Variants in FER observed in about 807,000 individuals in gnomAD.
FER encodes the protein FER tyrosine kinase.
In FER, 63 loss-of-function variants were observed where a neutral mutation model predicts 111.0. The observed-to-expected ratio is 0.57, with a 90% confidence interval of 0.46 to 0.70. FER has a LOEUF of 0.70. Ranked by LOEUF, FER falls within the 30% of genes least tolerant of loss-of-function variation. FER has a pLI of 0.00. For synonymous variants in FER, 327 were observed against 313.9 expected (o/e 1.04, Z -0.44); for missense variants, 914 against 954.0 (o/e 0.96, Z 0.55).
chr5:108,978,092 C>T (rs184775820), intron 13 of FER, among the ~76,000 whole-genome samples: 44 of 152,268 alleles, frequency 2.9e-4, no homozygotes, highest in East Asian at 5.8e-4. Context: ...AGCGTCTGCC[C>T]GCCTTGGTCT....
chr5:109,029,220 C>CTT (rs558664340), intron 13 of FER, among the ~76,000 whole-genome samples: 35 of 109,970 alleles, frequency 3.2e-4, no homozygotes, highest in African/African-American at 9.9e-4. Context: ...TTTAGGCTTT[C>CTT]TTTTTTTTTT....
chr5:108,953,303 T>G (rs1383263175), intron 11 of FER, among the ~76,000 whole-genome samples: 1 of 151,928 alleles, frequency 6.6e-6, no homozygotes, highest in South Asian at 2.1e-4. Flanking sequence ...CATTAAACCA[T>G]TTTTTGAAAT....
At position 109,003,387 on chromosome 5, in the gene FER, G is replaced by A. The variant is rs1384183582; in HGVS notation, c.1657-34035G>A. Among the ~76,000 whole-genome samples, 4 of 152,110 alleles carry A rather than the reference G, an allele frequency of 2.6e-5. No homozygotes were observed. In the East Asian group the frequency reaches 5.8e-4, roughly 22 times the overall value. The stretch of plus-strand genomic sequence containing the variant: ...AAGGACAAAAAACCAAACACCGCAT[G>A]TTCTCACTCATAGGTGGGAATTGAA... On this transcript the variant is annotated intron_variant, in intron 13 of 19. Coordinates refer to ENST00000281092, the MANE Select transcript of FER (RefSeq NM_005246.4).
At chr5:108,970,722 A>C (rs891484147) in intron 13 of FER, among the ~76,000 whole-genome samples, 2 of 152,186 alleles carry the variant, frequency 1.3e-5, no homozygotes, top group Admixed American at 6.6e-5. Context: ...GGTCTTGAGA[A>C]TAGGCAGAAG....
At position 108,793,071 on chromosome 5, in the gene FER, T is replaced by G. The variant is rs181530848; in HGVS notation, c.-59-5053T>G. 1.6e-4 allele frequency among the ~76,000 whole-genome samples: 25 copies of G among 152,320 alleles called. No homozygotes were observed. In the East Asian group the frequency reaches 4.6e-3, roughly 28 times the overall value. On this transcript the variant is annotated intron_variant, in intron 2 of 19. Transcript: ENST00000281092. ...TGATAATGTACAATTAAATTATTAT[T>G]GACTATAGTCACCCTGTTGTGCTAT...
intron 16 of FER, among the ~76,000 whole-genome samples, chr5:109,079,428 G>A (rs1238359986): frequency 2.0e-5 from 3 of 152,094 alleles, no homozygotes; most frequent in African/African-American, 4.8e-5. Flanking sequence ...CCAGATTGGT[G>A]CTCTGAAGTG....
At chr5:109,155,160 A>G (rs2126709567) in intron 17 of FER, among the ~76,000 whole-genome samples, 1 of 152,042 alleles carries the variant, frequency 6.6e-6, no homozygotes, top group African/African-American at 2.4e-5. Context: ...GAAGCTAGGA[A>G]GTGTATTCCA....
chr5:109,195,947 G>GT lies in FER; in HGVS notation c.*8378dup, dbSNP rs576111419. The GT allele has an allele frequency of 9.8e-4, 149 of 152,384 alleles. 2 individuals are homozygous for GT. Among genetic ancestry groups the GT allele is most frequent in the African/African-American group, 3.2e-3 (133 of 41,546 alleles). 9.4% of individuals were successfully genotyped at this position (152,384 alleles called of 1,614,324 possible). A position where few individuals can be genotyped will look rare whatever the true frequency, so the allele number is the denominator to read the frequency against. Reference sequence around the variant, plus strand: ...GGCTTTATGTTATGGTTTTCTTCGTGTTTTTTCTTGGTTTTGTCTGGCTTC... The same window carrying GT: ...GGCTTTATGTTATGGTTTTCTTCGTGTTTTTTTCTTGGTTTTGTCTGGCTTC... On this transcript the variant is annotated 3_prime_UTR_variant, in exon 20 of 20. Transcript: ENST00000281092.
intron 9 of FER, among the ~76,000 whole-genome samples, chr5:108,890,469 G>A (rs1406926472): frequency 2.0e-5 from 3 of 152,052 alleles, no homozygotes; most frequent in African/African-American, 4.8e-5. Context: ...CTGTCTCCTA[G>A]CTTCTGGTGA....
At chr5:108,769,978 C>T (rs1485561917) in intron 2 of FER, among the ~76,000 whole-genome samples, 2 of 151,994 alleles carry the variant, frequency 1.3e-5, no homozygotes, top group African/African-American at 4.8e-5. Flanking sequence ...GACGGAGCTT[C>T]ACTCTTGTTG....
At chr5:109,015,319 G>A (rs1436131888) in intron 13 of FER, among the ~76,000 whole-genome samples, 4 of 151,958 alleles carry the variant, frequency 2.6e-5, no homozygotes, top group Non-Finnish European at 5.9e-5. Context: ...AGTTCTTGGC[G>A]TCAAATAATA....
At chr5:109,019,162 G>C (rs1410570186) in intron 13 of FER, among the ~76,000 whole-genome samples, 2 of 151,636 alleles carry the variant, frequency 1.3e-5, no homozygotes, top group African/African-American at 4.8e-5. Context: ...TTTGGATTAA[G>C]AGATGGGCTC....
intron 10 of FER, among the ~76,000 whole-genome samples, chr5:108,916,843 T>C (rs1474666504): frequency 6.6e-6 from 1 of 152,166 alleles, no homozygotes; most frequent in Non-Finnish European, 1.5e-5. Context: ...TTGTGTATAA[T>C]AGAATCATAT....
intron 10 of FER, among the ~76,000 whole-genome samples, chr5:108,935,963 G>GA (rs1755408066): frequency 2.0e-5 from 3 of 152,042 alleles, no homozygotes. Flanking sequence ...AATGGTTTGG[G>GA]AAAGAGTCCT....
At chr5:108,798,044 G>A in intron 2 of FER, 80 bp from the exon 3 acceptor site, 1 of 543,350 alleles carries the variant, frequency 1.8e-6, no homozygotes, top group Non-Finnish European at 3.2e-6. Flanking sequence ...CCCCAAAGAA[G>A]AATCTATCAT....
At chr5:109,093,961 G>A (rs915850112) in intron 16 of FER, among the ~76,000 whole-genome samples, 3 of 152,056 alleles carry the variant, frequency 2.0e-5, no homozygotes, top group African/African-American at 7.3e-5. Flanking sequence ...CTTTGAGAGG[G>A]ATAAGAAGCC....
At chr5:108,847,374 G>A (rs570849596) in intron 5 of FER, among the ~76,000 whole-genome samples, 1 of 151,900 alleles carries the variant, frequency 6.6e-6, no homozygotes, top group African/African-American at 2.4e-5. Flanking sequence ...GTCTGAGAAT[G>A]TTTTTATGAC....
Position 108,879,701 on chromosome 5 carries a change from A to AAAATATATATATATAT in FER, c.924-3694_924-3693insAATATATATATATATA. On this transcript the variant is annotated intron_variant, in intron 8 of 19. Coordinates refer to ENST00000281092, the MANE Select transcript of FER (RefSeq NM_005246.4). ...ATGTATTTTTTTTAGATTAAAAAAA[A>AAAATATATATATATAT]ATATATATATATATATATATATATT... 6.0e-4 allele frequency among the ~76,000 whole-genome samples: 59 copies of AAAATATATATATATAT among 99,086 alleles called. 1 individual carries two copies. The highest frequency in any genetic ancestry group is 9.4e-4 in the South Asian group (3 of 3,196). 65.0% of individuals were successfully genotyped at this position (99,086 alleles called of 152,430 possible). A position where few individuals can be genotyped will look rare whatever the true frequency, so the allele number is the denominator to read the frequency against.
intron 17 of FER, among the ~76,000 whole-genome samples, chr5:109,158,995 A>G (rs573986938): frequency 6.6e-6 from 1 of 152,284 alleles, no homozygotes; most frequent in Admixed American, 6.5e-5. Flanking sequence ...TTATGAAAAG[A>G]TATATTGCTA....
Sources: allele counts gnomAD v4.1 joint callset (sites outside exome capture counted in the v4.1 genomes callset), GRCh38; gene constraint gnomAD v4.1.1; transcripts MANE v1.5; gene names NCBI Gene and HGNC (gene_info 2026-07-23, HGNC 2026-07-21).